The following TTC23 variants were observed in gnomAD, a reference collection of about 807,000 sequenced individuals.
TTC23 encodes tetratricopeptide repeat domain 23.
A neutral mutation model predicts 55.1 loss-of-function variants in TTC23; 58 were observed. That is an observed-to-expected ratio of 1.05 (90% CI 0.85 to 1.31). The LOEUF (loss-of-function observed/expected upper bound fraction) is 1.31, where lower values mean the gene tolerates loss of function less well. Ranked by LOEUF, TTC23 falls within the 50% of genes most tolerant of loss-of-function variation. TTC23 has a pLI of 0.00. For synonymous variants in TTC23, 203 were observed against 199.9 expected (o/e 1.02, Z -0.13); for missense variants, 516 against 534.4 (o/e 0.97, Z 0.34).
At position 99,204,077 on chromosome 15, in the gene TTC23, C is replaced by T. The variant is rs151037865; in HGVS notation, c.582-3981G>A. Reference sequence around the variant, plus strand: ...TTTTCTGAGGAACTTCCACACTATTCTCCATAGTGGCTGTACTAACTTGCA... The same window carrying T: ...TTTTCTGAGGAACTTCCACACTATTTTCCATAGTGGCTGTACTAACTTGCA... On this transcript the variant is annotated intron_variant, in intron 8 of 13. Transcript: ENST00000394132. Among the ~76,000 whole-genome samples, 772 of 152,256 alleles carry T rather than the reference C, an allele frequency of 5.1e-3. 6 individuals carry two copies. The highest frequency in any genetic ancestry group is 0.01 in the Middle Eastern group (3 of 294).
chr15:99,250,352 T>C (rs1567585356), upstream of TTC23, among the ~76,000 whole-genome samples: 3 of 152,234 alleles, frequency 2.0e-5, no homozygotes, highest in Non-Finnish European at 4.4e-5. Flanking sequence ...ACCAATGTTT[T>C]TTATTTAATA....
intron 6 of TTC23, among the ~76,000 whole-genome samples, chr15:99,220,050 A>C (rs987223502): frequency 6.6e-6 from 1 of 152,218 alleles, no homozygotes; most frequent in African/African-American, 2.4e-5. Flanking sequence ...TACACAAAGC[A>C]TGTTGGACTG....
intron 1 of TTC23, among the ~76,000 whole-genome samples, 151 bp downstream of exon 1, chr15:99,249,020 G>A (rs2080502987): frequency 6.6e-6 from 1 of 151,560 alleles, no homozygotes; most frequent in African/African-American, 2.4e-5. Flanking sequence ...TATTATGCCA[G>A]GTATGACAAT....
chr15:99,156,221 T>C lies in TTC23; in HGVS notation c.1070A>G (p.Glu357Gly). The C allele has an allele frequency of 5.0e-6, 8 of 1,614,262 alleles. No individual in the cohort carries two copies. The highest frequency in any genetic ancestry group is 6.8e-6 in the Non-Finnish European group (8 of 1,180,052). ...AFGDFSPEVA[E>G]TYRLLGGADL... ...TGCTCCTCCCAGGAGCCGGTATGTC[T>C]CTGCCACCTCGGGACTGAAATCGCC... Residue 357 changes from glutamate (E) to glycine (G), a missense_variant, in exon 12 of 14, where the codon GAG becomes GGG. Transcript: ENST00000394132.
At chr15:99,246,058 A>T (rs1371624383) in intron 1 of TTC23, among the ~76,000 whole-genome samples, 1 of 152,054 alleles carries the variant, frequency 6.6e-6, no homozygotes, top group Non-Finnish European at 1.5e-5. Flanking sequence ...GATCCACCCG[A>T]CTTGGCCTCC....
chr15:99,221,108 T>C (rs1239276793), intron 6 of TTC23, among the ~76,000 whole-genome samples: 2 of 152,220 alleles, frequency 1.3e-5, no homozygotes, highest in African/African-American at 2.4e-5. Flanking sequence ...CTTTTCCTCC[T>C]GGGAATGCTT....
rs1315353585 is a variant in TTC23, at chr15:99,187,472, AAC to A, written c.760-12319_760-12318del. Among the ~76,000 whole-genome samples the A allele has an allele frequency of 2.4e-4, 35 of 147,266 alleles. 1 individual carries two copies. The highest frequency in any genetic ancestry group is 9.9e-4 in the East Asian group (5 of 5,066). ...ACAAGCAAAAAAAAAAAAAAAACAA[AAC>A]AAAAGAAACCCAACATAGACAAGTT... is the stretch of plus-strand genomic sequence containing the variant. On this transcript the variant is annotated intron_variant, in intron 9 of 13. Transcript: ENST00000394132.
chr15:99,197,134 G>A (rs1377229341), intron 9 of TTC23, among the ~76,000 whole-genome samples: 6 of 147,444 alleles, frequency 4.1e-5, no homozygotes, highest in African/African-American at 1.0e-4. Flanking sequence ...ACGGAGTCAC[G>A]CTCCAACGCC....
At chr15:99,174,938 C>T in intron 10 of TTC23, 112 bp downstream of exon 10, 1 of 778,678 alleles carries the variant, frequency 1.3e-6, no homozygotes, top group Non-Finnish European at 2.1e-6. Flanking sequence ...ACAAGGAAGG[C>T]TCTGTGGCGG....
At chr15:99,138,475 A>G (rs1214426679) in intron 13 of TTC23, among the ~76,000 whole-genome samples, 1 of 152,046 alleles carries the variant, frequency 6.6e-6, no homozygotes, top group Non-Finnish European at 1.5e-5. Flanking sequence ...CACCACGCCC[A>G]GCTAATTTTT....
At chr15:99,150,622 T>C (rs1306575718) in intron 12 of TTC23, among the ~76,000 whole-genome samples, 1 of 152,244 alleles carries the variant, frequency 6.6e-6, no homozygotes, top group Non-Finnish European at 1.5e-5. Flanking sequence ...TAGATTCATT[T>C]TGGGGGGAGG....
At position 99,161,761 on chromosome 15, in the gene TTC23, T is replaced by C. The variant is rs2151897145; in HGVS notation, c.972A>G (p.Leu324=). The C allele has an allele frequency of 6.2e-7, 1 of 1,612,920 alleles. No individual in the cohort carries two copies. ...TTACCTCTTTTTGTCCAGTCATTTG[T>C]AGAAAATGGCAAAATTCATCTTGAA... is the stretch of plus-strand genomic sequence containing the variant. The part of the protein sequence containing the change: ...LSIQDEFCHF[L]QMTGQKERAT... Residue 324 remains leucine (L), a synonymous_variant, in exon 11 of 14, where the codon CTA becomes CTG. Transcript: ENST00000394132.
At chr15:99,204,346 A>G (rs1216551902) in intron 8 of TTC23, among the ~76,000 whole-genome samples, 1 of 152,004 alleles carries the variant, frequency 6.6e-6, no homozygotes, top group Non-Finnish European at 1.5e-5. Context: ...GTCTTTTTCT[A>G]TTCAGTTGTT....
intron 8 of TTC23, among the ~76,000 whole-genome samples, chr15:99,204,436 T>C (rs1417465465): frequency 6.6e-6 from 1 of 152,074 alleles, no homozygotes; most frequent in African/African-American, 2.4e-5. Context: ...CTGTGGATTG[T>C]TTCTTCACTT....
At chr15:99,225,669 T>C (rs927583730) in intron 5 of TTC23, among the ~76,000 whole-genome samples, 1 of 152,194 alleles carries the variant, frequency 6.6e-6, no homozygotes, top group Non-Finnish European at 1.5e-5. Context: ...TATAATAGAA[T>C]GCCAACAAAC....
intron 3 of TTC23, among the ~76,000 whole-genome samples, chr15:99,240,159 C>T (rs191213781): frequency 8.5e-4 from 129 of 152,268 alleles, no homozygotes; most frequent in African/African-American, 2.9e-3. Flanking sequence ...TTCTTATCTT[C>T]CATTTAGTGG....
intron 11 of TTC23, chr15:99,158,198 A>T (rs1596312040): frequency 1.3e-5 from 2 of 152,194 alleles, no homozygotes; most frequent in South Asian, 4.1e-4. Flanking sequence ...TAGAATTTAA[A>T]TCTAGACTTG....
Position 99,137,191 on chromosome 15 carries a change from C to T in TTC23, c.*819G>A, listed in dbSNP as rs1278273608. 1.3e-5 allele frequency: 2 copies of T among 152,334 alleles called. No homozygotes were observed. Among genetic ancestry groups the T allele is most frequent in the Admixed American group, 6.5e-5 (1 of 15,294 alleles). 9.4% of individuals were successfully genotyped at this position (152,334 alleles called of 1,614,324 possible). ...AGGAAGGCACTCAAAGCTTCCTGTTCGACTTTGCCATCCTCACACGACTAT... is the reference window on the plus strand; with the variant it reads ...AGGAAGGCACTCAAAGCTTCCTGTTTGACTTTGCCATCCTCACACGACTAT... On this transcript the variant is annotated 3_prime_UTR_variant, in exon 14 of 14. Coordinates refer to ENST00000394132, the MANE Select transcript of TTC23 (RefSeq NM_001288615.3).
At chr15:99,225,048 C>T (rs1270532546) in intron 5 of TTC23, among the ~76,000 whole-genome samples, 1 of 152,132 alleles carries the variant, frequency 6.6e-6, no homozygotes, top group African/African-American at 2.4e-5. Flanking sequence ...GGAATCCAGA[C>T]AGACAAAAAG....
Sources: allele counts gnomAD v4.1 joint callset (sites outside exome capture counted in the v4.1 genomes callset), GRCh38; gene constraint gnomAD v4.1.1; transcripts MANE v1.5; gene names NCBI Gene and HGNC (gene_info 2026-07-23, HGNC 2026-07-21).